ZHX2: variants seen among roughly 807,000 people sequenced by gnomAD.
ZHX2 encodes the protein zinc fingers and homeoboxes protein 2.
In ZHX2, 6 loss-of-function variants were observed where a neutral mutation model predicts 21.9. The ratio of observed to expected loss-of-function variants is 0.27; its 90% CI spans 0.15 to 0.54. ZHX2 has a LOEUF of 0.54. Ranked by LOEUF, ZHX2 falls within the 20% of genes least tolerant of loss-of-function variation. The pLI is 0.95. For synonymous variants in ZHX2, 434 were observed against 437.1 expected (o/e 0.99, Z 0.09); for missense variants, 908 against 1,090.7 (o/e 0.83, Z 2.36).
intron 2 of ZHX2, among the ~76,000 whole-genome samples, chr8:122,901,013 G>GA (rs1194241051): frequency 6.6e-6 from 1 of 152,094 alleles, no homozygotes; most frequent in Non-Finnish European, 1.5e-5. Flanking sequence ...GGAGTATGAA[G>GA]AAAAAATATA....
chr8:122,920,979 C>T (rs373351352), intron 2 of ZHX2, among the ~76,000 whole-genome samples: 4 of 152,214 alleles, frequency 2.6e-5, no homozygotes, highest in South Asian at 4.2e-4. Flanking sequence ...TCTGGATTCT[C>T]GGTTTCAGAT....
At chr8:122,886,649 G>A (rs567649942) in intron 2 of ZHX2, among the ~76,000 whole-genome samples, 3 of 152,114 alleles carry the variant, frequency 2.0e-5, no homozygotes, top group South Asian at 2.1e-4. Flanking sequence ...AAATCAAAGC[G>A]TATTAATTTT....
At chr8:122,818,757 C>T (rs1279624082) in intron 1 of ZHX2, among the ~76,000 whole-genome samples, 5 of 152,204 alleles carry the variant, frequency 3.3e-5, no homozygotes, top group African/African-American at 7.2e-5. Flanking sequence ...ACAGGATCTT[C>T]GTTGCTTAGG....
intron 3 of ZHX2, among the ~76,000 whole-genome samples, chr8:122,956,962 A>G (rs1008453556): frequency 6.6e-6 from 1 of 152,126 alleles, no homozygotes; most frequent in Non-Finnish European, 1.5e-5. Context: ...TGGCCCAAAG[A>G]AGACAGTAAT....
chr8:122,814,275 T>C (rs1817986984), intron 1 of ZHX2, among the ~76,000 whole-genome samples: 1 of 152,250 alleles, frequency 6.6e-6, no homozygotes, highest in Non-Finnish European at 1.5e-5. Context: ...AGATTGTTTT[T>C]ATTCTCCGGG....
At chr8:122,926,986 A>C (rs1474983591) in intron 2 of ZHX2, among the ~76,000 whole-genome samples, 1 of 152,148 alleles carries the variant, frequency 6.6e-6, no homozygotes, top group Non-Finnish European at 1.5e-5. Flanking sequence ...AGTATAAGAT[A>C]ACATCTTTTT....
At chr8:122,908,245 A>C (rs1820391254) in intron 2 of ZHX2, among the ~76,000 whole-genome samples, 1 of 152,118 alleles carries the variant, frequency 6.6e-6, no homozygotes, top group South Asian at 2.1e-4. Context: ...TTGTTGCCCA[A>C]ACTGGAGTGC....
At chr8:122,811,289 G>T (rs1398546782) in intron 1 of ZHX2, among the ~76,000 whole-genome samples, 1 of 152,122 alleles carries the variant, frequency 6.6e-6, no homozygotes, top group Non-Finnish European at 1.5e-5. Context: ...GCTGAGGTGG[G>T]AAAATTGCGT....
intron 2 of ZHX2, among the ~76,000 whole-genome samples, chr8:122,923,993 T>A (rs957442816): frequency 6.6e-6 from 1 of 152,144 alleles, no homozygotes. Context: ...GGGTCCACAT[T>A]GTCAAAATTG....
intron 2 of ZHX2, among the ~76,000 whole-genome samples, chr8:122,896,564 A>G (rs182577891): frequency 2.6e-5 from 4 of 152,358 alleles, no homozygotes; most frequent in East Asian, 1.9e-4. Flanking sequence ...TACATGTTCA[A>G]TATGATGCAA....
In ZHX2 at chr8:122,793,101, C is replaced by G. The variant is rs1439556729; in HGVS notation, c.-283+11155C>G. Among the ~76,000 whole-genome samples, 4 of 152,210 alleles carry G rather than the reference C, an allele frequency of 2.6e-5. No homozygotes were observed. The East Asian group carries it at 7.7e-4, about 29-fold the overall frequency. On this transcript the variant is annotated intron_variant, in intron 1 of 3. Coordinates refer to ENST00000314393, the MANE Select transcript of ZHX2 (RefSeq NM_014943.5). ...GCCTGAATCGCTGCTCACAGGGTTG[C>G]TGTGAGAATTACAGGGGATCATACC...
intron 3 of ZHX2, among the ~76,000 whole-genome samples, chr8:122,971,410 G>A (rs1813716782): frequency 6.6e-6 from 1 of 151,398 alleles, no homozygotes; most frequent in Non-Finnish European, 1.5e-5. Context: ...AGATTCTAAG[G>A]TCACCCCTGG....
intron 2 of ZHX2, among the ~76,000 whole-genome samples, chr8:122,925,345 A>G (rs1426586190): frequency 6.6e-6 from 1 of 152,312 alleles, no homozygotes. Context: ...ATCTTCCGTA[A>G]CTGCTAACTG....
chr8:122,973,965 C>T lies in ZHX2; in HGVS notation c.*728C>T, dbSNP rs1349619806. 2.0e-5 allele frequency: 3 copies of T among 152,654 alleles called. No individual in the cohort carries two copies. Among genetic ancestry groups the T allele is most frequent in the African/African-American group, 7.2e-5 (3 of 41,446 alleles). 9.5% of individuals were successfully genotyped at this position (152,654 alleles called of 1,614,324 possible). ...ATCTGGCTTCTCAACTGCTCGGCCT[C>T]TTGGGCCAGGCTGTGCCCAGCCAGC... On this transcript the variant is annotated 3_prime_UTR_variant, in exon 4 of 4. Coordinates refer to ENST00000314393, the MANE Select transcript of ZHX2 (RefSeq NM_014943.5).
chr8:122,866,590 AC>A (rs1271705788), intron 2 of ZHX2, among the ~76,000 whole-genome samples: 6 of 151,724 alleles, frequency 4.0e-5, no homozygotes, highest in Non-Finnish European at 8.8e-5. Flanking sequence ...TTTCCCATCA[AC>A]CCCCCTGACA....
intron 1 of ZHX2, among the ~76,000 whole-genome samples, chr8:122,797,106 T>C (rs1817628396): frequency 6.6e-6 from 1 of 152,140 alleles, no homozygotes; most frequent in Non-Finnish European, 1.5e-5. Flanking sequence ...ATGTGAGTAA[T>C]CAGGTTAGGC....
At chr8:122,972,841 A>G (rs1813759919) in intron 3 of ZHX2, among the ~76,000 whole-genome samples, 1 of 152,164 alleles carries the variant, frequency 6.6e-6, no homozygotes, top group South Asian at 2.1e-4. Flanking sequence ...GCAGCCACTA[A>G]GGGGAGAAGT....
chr8:122,875,116 A>G (rs1819530700), intron 2 of ZHX2, among the ~76,000 whole-genome samples: 1 of 90,894 alleles, frequency 1.1e-5, no homozygotes, highest in Admixed American at 1.4e-4. Context: ...CTTTTAGAGG[A>G]AGGAAAACTC....
intron 1 of ZHX2, among the ~76,000 whole-genome samples, chr8:122,835,691 A>G (rs1818479077): frequency 6.6e-6 from 1 of 152,172 alleles, no homozygotes; most frequent in African/African-American, 2.4e-5. Flanking sequence ...GGGAAGAGAA[A>G]GGCGATCAGG....
Sources: allele counts gnomAD v4.1 joint callset (sites outside exome capture counted in the v4.1 genomes callset), GRCh38; gene constraint gnomAD v4.1.1; transcripts MANE v1.5; gene names NCBI Gene and HGNC (gene_info 2026-07-23, HGNC 2026-07-21).